The following DOCK2 variants were observed in gnomAD, a reference collection of about 807,000 sequenced individuals.
DOCK2 encodes dedicator of cytokinesis 2.
Under a neutral mutation model 248.9 loss-of-function variants are expected in DOCK2, and 87 were observed. The observed-to-expected ratio is 0.35, with a 90% confidence interval of 0.29 to 0.42. The LOEUF (loss-of-function observed/expected upper bound fraction) is 0.42. Ranked by LOEUF, DOCK2 falls within the 10% of genes least tolerant of loss-of-function variation. The pLI is 1.00. For missense variants in DOCK2, 1,747 were observed against 2,300.2 expected (o/e 0.76, Z 4.92); for synonymous variants, 805 against 821.6 (o/e 0.98, Z 0.35).
chr5:169,827,284 T>C (rs774190574), intron 26 of DOCK2, among the ~76,000 whole-genome samples: 4 of 151,916 alleles, frequency 2.6e-5, no homozygotes, highest in African/African-American at 9.7e-5. Context: ...GGGCAGGGGG[T>C]TGGAGAGGAG....
intron 27 of DOCK2, among the ~76,000 whole-genome samples, chr5:169,969,004 G>A (rs1423957858): frequency 1.3e-5 from 2 of 152,194 alleles, no homozygotes; most frequent in Non-Finnish European, 2.9e-5. Flanking sequence ...TTGAAAAATA[G>A]CCTGATGTGG....
chr5:169,672,700 C>T (rs749370720), intron 5 of DOCK2, among the ~76,000 whole-genome samples: 14 of 152,146 alleles, frequency 9.2e-5, no homozygotes, highest in Non-Finnish European at 1.9e-4. Context: ...AGATGCCAGT[C>T]GCAAGTCCTG....
At chr5:169,998,151 C>G (rs1377035417) in intron 30 of DOCK2, 1 of 419,098 alleles carries the variant, frequency 2.4e-6, no homozygotes, top group Non-Finnish European at 4.7e-6. Context: ...TTCCTGGAGT[C>G]TCTTCATAGC....
chr5:169,660,052 C>T (rs1285305071), intron 2 of DOCK2, among the ~76,000 whole-genome samples: 1 of 152,114 alleles, frequency 6.6e-6, no homozygotes, highest in Non-Finnish European at 1.5e-5. Flanking sequence ...CTGAAATAAG[C>T]CCTCTATGAT....
chr5:169,673,824 T>C (rs1321860861), intron 5 of DOCK2, among the ~76,000 whole-genome samples: 2 of 152,192 alleles, frequency 1.3e-5, no homozygotes, highest in African/African-American at 4.8e-5. Flanking sequence ...CACCTAGGGA[T>C]CCATGTTGTT....
At chr5:169,956,650 A>G (rs1322034369) in intron 27 of DOCK2, among the ~76,000 whole-genome samples, 2 of 152,208 alleles carry the variant, frequency 1.3e-5, no homozygotes, top group African/African-American at 4.8e-5. Flanking sequence ...TCTTGCTTAA[A>G]ATGCATTGGA....
chr5:170,038,544 C>T (rs987725062), intron 36 of DOCK2, among the ~76,000 whole-genome samples: 1 of 152,160 alleles, frequency 6.6e-6, no homozygotes, highest in Non-Finnish European at 1.5e-5. Context: ...AACACTGGGC[C>T]CTCGTCCTAT....
At chr5:169,998,852 G>T (rs2113800648) in intron 30 of DOCK2, among the ~76,000 whole-genome samples, 1 of 152,306 alleles carries the variant, frequency 6.6e-6, no homozygotes, top group South Asian at 2.1e-4. Context: ...TCTTTAGCTG[G>T]TTTGAATCAG....
chr5:169,835,324 G>A (rs1055580373), intron 26 of DOCK2, among the ~76,000 whole-genome samples: 3 of 143,186 alleles, frequency 2.1e-5, no homozygotes, highest in Non-Finnish European at 3.0e-5. Flanking sequence ...GTGCAATCTC[G>A]ACTCACTGCA....
intron 26 of DOCK2, among the ~76,000 whole-genome samples, chr5:169,828,745 T>C (rs1235638937): frequency 1.3e-5 from 2 of 152,216 alleles, no homozygotes; most frequent in Non-Finnish European, 2.9e-5. Context: ...TCCTCTATTC[T>C]AGCTCCACGC....
At chr5:169,665,650 C>A (rs558549567) in intron 2 of DOCK2, among the ~76,000 whole-genome samples, 1 of 152,158 alleles carries the variant, frequency 6.6e-6, no homozygotes, top group African/African-American at 2.4e-5. Context: ...GTACCTTTGC[C>A]AGATGCATAC....
intron 32 of DOCK2, 137 bp downstream of exon 32, chr5:170,008,883 C>G: frequency 1.9e-6 from 2 of 1,046,524 alleles, no homozygotes; most frequent in South Asian, 1.4e-5. Flanking sequence ...TACCCCAGTT[C>G]CTAATAAGTG....
intron 24 of DOCK2, 54 bp from the exon 25 acceptor site, chr5:169,761,465 C>G: frequency 6.8e-7 from 1 of 1,463,076 alleles, no homozygotes; most frequent in African/African-American, 1.4e-5. Context: ...GTGCTATGAG[C>G]TGGGAGACAT....
intron 23 of DOCK2, among the ~76,000 whole-genome samples, chr5:169,758,962 G>C (rs902575758): frequency 6.6e-6 from 1 of 152,114 alleles, no homozygotes; most frequent in African/African-American, 2.4e-5. Flanking sequence ...ACTTCCATTA[G>C]ACCCTTACAC....
At chr5:169,683,717 T>C (rs1278875513) in intron 7 of DOCK2, among the ~76,000 whole-genome samples, 2 of 152,226 alleles carry the variant, frequency 1.3e-5, no homozygotes, top group East Asian at 3.8e-4. Flanking sequence ...TCCTGTCATT[T>C]CCACTTGTAT....
At chr5:170,020,459 G>A (rs1165980332) in intron 33 of DOCK2, among the ~76,000 whole-genome samples, 1 of 152,196 alleles carries the variant, frequency 6.6e-6, no homozygotes, top group African/African-American at 2.4e-5. Context: ...TGATGATGAT[G>A]ATGATGATTA....
intron 30 of DOCK2, among the ~76,000 whole-genome samples, chr5:170,007,132 G>T (rs1045269971): frequency 1.3e-5 from 2 of 152,228 alleles, no homozygotes; most frequent in African/African-American, 4.8e-5. Flanking sequence ...TATGTTATCA[G>T]TGGAAGAGTT....
chr5:170,051,641 T>G lies in DOCK2; in HGVS notation c.4213+1244T>G, dbSNP rs1312590102. 2.0e-5 allele frequency among the ~76,000 whole-genome samples: 3 copies of G among 152,328 alleles called. No individual in the cohort carries two copies. The East Asian group carries it at 5.8e-4, about 29-fold the overall frequency. On this transcript the variant is annotated intron_variant, in intron 41 of 51. Transcript: ENST00000520908. ...ATTTGCCATTATCTCTGGTGCTTTTTAAACGTGCATGGAGGTGAGCTAGAA... is the reference window on the plus strand; with the variant it reads ...ATTTGCCATTATCTCTGGTGCTTTTGAAACGTGCATGGAGGTGAGCTAGAA...
At chr5:170,044,931 C>A (rs1441530566) in intron 38 of DOCK2, among the ~76,000 whole-genome samples, 1 of 152,140 alleles carries the variant, frequency 6.6e-6, no homozygotes, top group Non-Finnish European at 1.5e-5. Context: ...TGCATCTCCC[C>A]TGACTCTGCA....
Sources: gnomAD v4.1 joint callset for allele counts (sites outside exome capture counted in the v4.1 genomes callset) on GRCh38, gnomAD v4.1.1 for gene constraint, MANE v1.5 for transcripts, NCBI Gene and HGNC (gene_info 2026-07-23, HGNC 2026-07-21) for gene names.